NLRP7: variants seen among roughly 807,000 people sequenced by gnomAD.
NLRP7 encodes the protein NACHT, LRR and PYD domains-containing protein 7.
In NLRP7, 72 loss-of-function variants were observed where a neutral mutation model predicts 85.5. The observed-to-expected ratio is 0.84, with a 90% CI of 0.70 to 1.02. The LOEUF (loss-of-function observed/expected upper bound fraction) is 1.02, where lower values mean the gene tolerates loss of function less well. NLRP7 is among the 50% of genes least tolerant of loss of function. NLRP7 has a pLI of 0.00. For missense variants in NLRP7, 1,243 were observed against 1,219.5 expected (o/e 1.02, Z -0.29); for synonymous variants, 550 against 505.2 (o/e 1.09, Z -1.19).
At chr19:54,924,663 C>T (rs1182089214) in intron 9 of NLRP7, among the ~76,000 whole-genome samples, 3 of 151,998 alleles carry the variant, frequency 2.0e-5, no homozygotes, top group South Asian at 4.2e-4. Flanking sequence ...GGCTGGTGCA[C>T]GGTGACTCAC....
chr19:54,933,309 C>G (rs1165799236), intron 8 of NLRP7, among the ~76,000 whole-genome samples: 1 of 152,020 alleles, frequency 6.6e-6, no homozygotes, highest in Non-Finnish European at 1.5e-5. Flanking sequence ...CCACACCTGG[C>G]TAATTTTTGG....
intron 9 of NLRP7, chr19:54,927,645 CAA>C: frequency 6.2e-7 from 1 of 1,614,090 alleles, no homozygotes; most frequent in Non-Finnish European, 8.5e-7. Flanking sequence ...CTTAGAACCC[CAA>C]AGAGCTTAAT....
chr19:54,923,778 C>G (rs749456317), exon 10 of NLRP7: 1 of 1,613,872 alleles, frequency 6.2e-7, no homozygotes, highest in Non-Finnish European at 8.5e-7. Context: ...GCCGTTGCCC[C>G]GGAAGCATTG....
At chr19:54,926,044 AAAAAAAAGACTCCGTCTC>A (rs1046295657) in intron 9 of NLRP7, among the ~76,000 whole-genome samples, 63 of 148,648 alleles carry the variant, frequency 4.2e-4, no homozygotes, top group Middle Eastern at 3.4e-3. Flanking sequence ...ACTCCGTCTC[AAAAAAAAGACTCCGTCTC>A]AAAAAAAAAT....
rs1292612715 is a variant in NLRP7 at position 54,947,383 on chromosome 19, G to A, written c.-40+86C>T. ...TCCTCGCACCAACCATTAAGGCTTG[G>A]GAAGGGCTATGGTGGAAACTCAACC... On this transcript the variant is annotated intron_variant, in intron 1 of 9. Coordinates refer to ENST00000340844, the Ensembl canonical transcript of NLRP7. 5 of 1,025,172 alleles carry A rather than the reference G, an allele frequency of 4.9e-6. No homozygotes were observed. In the African/African-American group the frequency reaches 6.7e-5, roughly 14 times the overall value. The allele number at this position is 1,025,172 out of a possible 1,614,324, so 63.5% of individuals were successfully genotyped here.
intron 1 of NLRP7, among the ~76,000 whole-genome samples, chr19:54,960,883 C>A (rs900523261): frequency 5.3e-5 from 8 of 151,988 alleles, no homozygotes; most frequent in Non-Finnish European, 1.0e-4. Flanking sequence ...GCGTGAGCCA[C>A]CATGCCCAGC....
exon 2 of NLRP7, chr19:54,941,655 C>T: frequency 6.2e-7 from 1 of 1,613,900 alleles, no homozygotes; most frequent in Non-Finnish European, 8.5e-7. Context: ...TTAATTCATC[C>T]TCGTTCAGCT....
At chr19:54,923,542 T>C in exon 10 of NLRP7, 1 of 649,908 alleles carries the variant, frequency 1.5e-6, no homozygotes, top group Non-Finnish European at 2.7e-6. Flanking sequence ...ATTATCCCTG[T>C]GAGAAAGTAC....
At chr19:54,964,391 T>A (rs1327354260) in intron 1 of NLRP7, among the ~76,000 whole-genome samples, 2 of 150,582 alleles carry the variant, frequency 1.3e-5, no homozygotes, top group African/African-American at 2.4e-5. Flanking sequence ...TAATTTTTTG[T>A]ATTTTTAGTA....
chr19:54,930,071 C>T (rs1245919556), intron 9 of NLRP7, among the ~76,000 whole-genome samples: 2 of 146,544 alleles, frequency 1.4e-5, no homozygotes, highest in Non-Finnish European at 3.0e-5. Flanking sequence ...GCCGAGATCG[C>T]GCCACTGCAC....
Position 54,940,201 on chromosome 19 carries a change from G to T in NLRP7, c.618C>A (p.Tyr206Ter), listed in dbSNP as rs202205894. The change falls in exon 4 of 10, where the codon TAC (tyrosine) becomes TAA (stop). Residue 206 changes from tyrosine to a stop codon, truncating the protein, a stop_gained. Coordinates refer to ENST00000340844, the Ensembl canonical transcript of NLRP7. LOFTEE classifies it high-confidence loss of function. ...GCTCCTTGCAGCTGAGGTAGAACGC[G>T]TATCTGAGCGTCGGGCTGAGGTTGC... 1 of 1,614,194 alleles carries T rather than the reference G, an allele frequency of 6.2e-7. No homozygotes were observed. The highest frequency in any genetic ancestry group is 8.5e-7 in the Non-Finnish European group (1 of 1,180,032).
At position 54,959,362 on chromosome 19, in the gene NLRP7, C is replaced by T. The variant is rs541232298; in HGVS notation, c.-77+6678G>A. Among the ~76,000 whole-genome samples, 199 of 151,328 alleles carry T rather than the reference C, an allele frequency of 1.3e-3. 1 individual carries two copies. Among genetic ancestry groups the T allele is most frequent in the African/African-American group, 4.6e-3 (191 of 41,336 alleles). ...CCATGTTGGCCAGGCTGGTCTCAAA[C>T]TCCTGACCTTGTGATCCACCCGCCT... On this transcript the variant is annotated intron_variant, in intron 1 of 2. Transcript: ENST00000587103.
At chr19:54,940,034 G>A (rs775463994) in exon 4 of NLRP7, 1 of 1,614,178 alleles carries the variant, frequency 6.2e-7, no homozygotes. Context: ...CAGCGCCCCA[G>A]GTGGGACTTT....
At chr19:54,959,882 A>G (rs2069981144) in intron 1 of NLRP7, among the ~76,000 whole-genome samples, 1 of 151,674 alleles carries the variant, frequency 6.6e-6, no homozygotes, top group Non-Finnish European at 1.5e-5. Context: ...CAGCCATGCA[A>G]CCCTGGGAGC....
intron 5 of NLRP7, among the ~76,000 whole-genome samples, chr19:54,937,727 G>A (rs545723413): frequency 6.6e-6 from 1 of 151,962 alleles, no homozygotes; most frequent in East Asian, 1.9e-4. Flanking sequence ...GTGAAAACCT[G>A]TCTGTGCTAA....
chr19:54,930,151 A>T (rs572780949), intron 9 of NLRP7, among the ~76,000 whole-genome samples: 11 of 150,840 alleles, frequency 7.3e-5, no homozygotes, highest in African/African-American at 2.7e-4. Flanking sequence ...ATAGAAATTA[A>T]GGATTTCCAG....
chr19:54,933,682 A>T, exon 8 of NLRP7: 4 of 1,614,208 alleles, frequency 2.5e-6, no homozygotes, highest in Non-Finnish European at 3.4e-6. Flanking sequence ...TCTTGCTGAC[A>T]ACCAAGACAG....
exon 4 of NLRP7, chr19:54,939,731 G>C (rs773800014): frequency 1.2e-6 from 2 of 1,613,438 alleles, no homozygotes; most frequent in Non-Finnish European, 1.7e-6. Flanking sequence ...GCACACCGCG[G>C]GGGCCGAGCC....
chr19:54,953,594 G>C (rs376144644), intron 1 of NLRP7, among the ~76,000 whole-genome samples: 10 of 149,466 alleles, frequency 6.7e-5, no homozygotes, highest in South Asian at 6.3e-4. Context: ...CCTGGGGCGC[G>C]GGGCTGTCTG....
Sources: gnomAD v4.1 joint callset for allele counts (sites outside exome capture counted in the v4.1 genomes callset) on GRCh38, gnomAD v4.1.1 for gene constraint, MANE v1.5 for transcripts, NCBI Gene and HGNC (gene_info 2026-07-23, HGNC 2026-07-21) for gene names.